The following MGRN1 variants were observed in gnomAD, a reference collection of about 807,000 sequenced individuals.
MGRN1 encodes mahogunin ring finger 1.
Under a neutral mutation model 69.2 loss-of-function variants are expected in MGRN1, and 29 were observed. The observed-to-expected ratio is 0.42, with a 90% confidence interval of 0.31 to 0.57. The LOEUF (loss-of-function observed/expected upper bound fraction) is 0.57. Among genes scored for constraint, MGRN1 ranks in the 20% least tolerant of loss-of-function variants. The pLI is 0.15. For synonymous variants in MGRN1, 470 were observed against 344.2 expected (o/e 1.37, Z -4.04); for missense variants, 998 against 796.2 (o/e 1.25, Z -3.05).
intron 15 of MGRN1, among the ~76,000 whole-genome samples, 189 bp downstream of exon 15, chr16:4,683,458 T>C (rs1391606437): frequency 6.6e-6 from 1 of 152,096 alleles, no homozygotes; most frequent in Non-Finnish European, 1.5e-5. Flanking sequence ...TGGGTCAGGC[T>C]GCGCTGTTGA....
chr16:4,688,859 TTGG>T lies in MGRN1; in HGVS notation c.1686_1688del (p.Gly563del), dbSNP rs2079396918. 5.8e-6 allele frequency: 9 copies of T among 1,555,042 alleles called. No individual in the cohort carries two copies. The highest frequency in any genetic ancestry group is 1.2e-5 in the South Asian group (1 of 84,682). ...ACCACCAGCCCCACCTGGCCTCCAC[TTGG>T]TGGCCCCAGCCCCGATCCCAGCGCC... On this transcript the variant is annotated inframe_deletion, in exon 17 of 17. Transcript: ENST00000262370.
At chr16:4,653,700 G>C (rs1173411682) in intron 4 of MGRN1, among the ~76,000 whole-genome samples, 2 of 151,838 alleles carry the variant, frequency 1.3e-5, no homozygotes, top group African/African-American at 2.4e-5. Flanking sequence ...ATGTTGGCCA[G>C]GATGGTCTCA....
Position 4,680,606 on chromosome 16 carries a change from C to G in MGRN1, c.1131+509C>G, listed in dbSNP as rs1298245562. On this transcript the variant is annotated intron_variant, in intron 12 of 16. Transcript: ENST00000262370. ...TGGCCCAGGCAGACCCAGCCGAAACCCTGTGTGCGTTGGTGTAGAAGGTGG... is the reference window on the plus strand; with the variant it reads ...TGGCCCAGGCAGACCCAGCCGAAACGCTGTGTGCGTTGGTGTAGAAGGTGG... 3.1e-5 allele frequency: 5 copies of G among 159,366 alleles called. 1 individual carries two copies. Among genetic ancestry groups the G allele is most frequent in the Admixed American group, 1.3e-4 (2 of 15,582 alleles). The allele number at this position is 159,366 out of a possible 1,614,324, so 9.9% of individuals were successfully genotyped here. A position where few individuals can be genotyped will look rare whatever the true frequency, so the allele number is the denominator to read the frequency against.
chr16:4,653,900 A>G (rs563087753), intron 4 of MGRN1, among the ~76,000 whole-genome samples: 28 of 152,156 alleles, frequency 1.8e-4, no homozygotes, highest in African/African-American at 6.3e-4. Context: ...TTACAGGCAT[A>G]TGCTACCATG....
At chr16:4,655,565 T>C (rs561129088) in intron 4 of MGRN1, among the ~76,000 whole-genome samples, 1 of 151,570 alleles carries the variant, frequency 6.6e-6, no homozygotes, top group South Asian at 2.1e-4. Flanking sequence ...ACAGCTCCAG[T>C]GCCACTGTCC....
Position 4,657,808 on chromosome 16 carries a change from C to T in MGRN1, c.561+445C>T, listed in dbSNP as rs148403740. On this transcript the variant is annotated intron_variant, in intron 5 of 16. Coordinates refer to ENST00000262370, the MANE Select transcript of MGRN1 (RefSeq NM_015246.4). Reference sequence around the variant, plus strand: ...TCGCCCAGGCTGCAGTGCAGTGGCGCGATCTCGGATCACTACAACCTCTGC... The same window carrying T: ...TCGCCCAGGCTGCAGTGCAGTGGCGTGATCTCGGATCACTACAACCTCTGC... Among the ~76,000 whole-genome samples the T allele has an allele frequency of 6.1e-3, 837 of 138,036 alleles. 10 individuals carry two copies. Among genetic ancestry groups the T allele is most frequent in the African/African-American group, 0.022 (794 of 35,788 alleles). 90.6% of individuals were successfully genotyped at this position (138,036 alleles called of 152,430 possible).
In MGRN1 at chr16:4,677,527, C is replaced by T. The variant is rs1187624364; in HGVS notation, c.1020C>T (p.Ser340=). ...AGCCAGGAGCCCTGTCCCCCGTGTC[C>T]TTCAGCCCCGTCCTGGCCCAGAGCC... ...RKKPGALSPV[S]FSPVLAQSLE... The change falls in exon 11 of 17, where the codon TCC becomes TCT. Residue 340 remains serine, a synonymous_variant. Coordinates refer to ENST00000262370, the MANE Select transcript of MGRN1 (RefSeq NM_015246.4). 13 of 1,599,044 alleles carry T rather than the reference C, an allele frequency of 8.1e-6. No homozygotes were observed. The highest frequency in any genetic ancestry group is 1.1e-5 in the Non-Finnish European group (13 of 1,178,834).
At chr16:4,674,825 A>G (rs529475568) in intron 10 of MGRN1, among the ~76,000 whole-genome samples, 1,855 of 145,032 alleles carry the variant, frequency 0.013, 36 homozygotes, top group African/African-American at 0.045. Context: ...TATTTTTAGT[A>G]GAGACGGGGT....
intron 8 of MGRN1, among the ~76,000 whole-genome samples, chr16:4,668,797 T>TACACACACGTATACAGAC (rs1285390261): frequency 2.0e-5 from 3 of 150,312 alleles, no homozygotes; most frequent in Non-Finnish European, 4.4e-5. Context: ...CATATACACA[T>TACACACACGTATACAGAC]ACACACACGT....
chr16:4,683,962 G>T, intron 16 of MGRN1, 30 bp downstream of exon 16: 3 of 678,770 alleles, frequency 4.4e-6, no homozygotes, highest in Non-Finnish European at 7.8e-6. Flanking sequence ...GGGGTGAGGG[G>T]CTGGGTGCCT....
chr16:4,689,060 C>G lies in MGRN1; in HGVS notation c.*152C>G. On this transcript the variant is annotated 3_prime_UTR_variant, in exon 17 of 17. Transcript: ENST00000262370. ...CGTGGTGACTCTTGATCAAAGAGCACAGTGAACTGTCCCTTCTGAGTCTCC... is the reference window on the plus strand; with the variant it reads ...CGTGGTGACTCTTGATCAAAGAGCAGAGTGAACTGTCCCTTCTGAGTCTCC... The G allele has an allele frequency of 9.7e-7, 1 of 1,035,106 alleles. No homozygotes were observed. The highest frequency in any genetic ancestry group is 3.0e-5 in the Admixed American group (1 of 33,880). The allele number at this position is 1,035,106 out of a possible 1,614,324, so 64.1% of individuals were successfully genotyped here.
intron 11 of MGRN1, 83 bp from the exon 12 acceptor site, chr16:4,679,949 G>A (rs2079141154): frequency 7.6e-7 from 1 of 1,308,448 alleles, no homozygotes; most frequent in Admixed American, 1.9e-5. Context: ...TGTGGCAAGA[G>A]GACAGCCAGT....
In MGRN1 at chr16:4,681,689, C is replaced by T. The variant is rs985103801; in HGVS notation, c.1271C>T (p.Ser424Phe). Residue 424 changes from serine to phenylalanine, a missense_variant, in exon 13 of 17, where the codon TCC becomes TTC. Physicochemically the swap from Ser to Phe is radical, Grantham distance 155. Transcript: ENST00000262370. ...TATTCAGGCATCTCGGACGGCCTGTCCCAGGCCAGCTGTCCCCTCGCGGCT... is the reference window on the plus strand; with the variant it reads ...TATTCAGGCATCTCGGACGGCCTGTTCCAGGCCAGCTGTCCCCTCGCGGCT... The part of the protein sequence containing the change: ...ITYSGISDGL[S>F]QASCPLAAID... 6 of 1,613,330 alleles carry T rather than the reference C, an allele frequency of 3.7e-6. No homozygotes were observed. The highest frequency in any genetic ancestry group is 3.3e-5 in the Admixed American group (2 of 60,014).
In MGRN1 at chr16:4,625,768, A is replaced by G. The variant is rs531779483; in HGVS notation, c.88+720A>G. ...TGTTCCCAGCTCTCTTTCTGCCTCT[A>G]TTGATGAGTTATGTGTTGACTGGGA... On this transcript the variant is annotated intron_variant, in intron 1 of 16. Coordinates refer to ENST00000262370, the MANE Select transcript of MGRN1 (RefSeq NM_015246.4). 1.8e-3 allele frequency among the ~76,000 whole-genome samples: 277 copies of G among 152,280 alleles called. 1 individual carries two copies. The highest frequency in any genetic ancestry group is 6.2e-3 in the African/African-American group (258 of 41,562).
intron 10 of MGRN1, among the ~76,000 whole-genome samples, chr16:4,674,042 T>C (rs749703491): frequency 1.3e-5 from 2 of 152,204 alleles, no homozygotes; most frequent in African/African-American, 4.8e-5. Flanking sequence ...TGGAGTTCAG[T>C]AGCGAGTTCT....
In MGRN1 at chr16:4,637,770, C is replaced by T. The variant is rs553286617; in HGVS notation, c.89-12595C>T. ...CTGGTCAAGGGCCAAGTGCTGCCGT[C>T]GTCCCTGGTCCCATTCCACAGGAGG... On this transcript the variant is annotated intron_variant, in intron 1 of 16. Transcript: ENST00000262370. Among the ~76,000 whole-genome samples the T allele has an allele frequency of 5.3e-4, 81 of 152,352 alleles. No individual in the cohort carries two copies. In the South Asian group the frequency reaches 0.016, roughly 30 times the overall value.
intron 1 of MGRN1, among the ~76,000 whole-genome samples, chr16:4,643,065 C>T (rs750769763): frequency 3.3e-5 from 5 of 152,148 alleles, no homozygotes; most frequent in Admixed American, 6.6e-5. Context: ...AAGCGATTCT[C>T]GTGCCTCAGC....
At position 4,651,959 on chromosome 16, in the gene MGRN1, C is replaced by A; in HGVS notation, c.208-4C>A. 2 of 1,613,906 alleles carry A rather than the reference C, an allele frequency of 1.2e-6. No individual in the cohort carries two copies. Among genetic ancestry groups the A allele is most frequent in the Non-Finnish European group, 1.7e-6 (2 of 1,179,876 alleles). On this transcript the variant is annotated splice_region_variant and splice_polypyrimidine_tract_variant and intron_variant, in intron 2 of 16. Transcript: ENST00000262370. ...CACCTGGGGCCCTGTGGTTTTTCTCCTAGTTTCCCTACGTCACTCCTGCCC... is the reference window on the plus strand; with the variant it reads ...CACCTGGGGCCCTGTGGTTTTTCTCATAGTTTCCCTACGTCACTCCTGCCC...
chr16:4,650,296 C>A lies in MGRN1; in HGVS notation c.89-69C>A, dbSNP rs1421463906. The A allele has an allele frequency of 6.1e-6, 8 of 1,321,456 alleles. No homozygotes were observed. The East Asian group carries it at 1.7e-4, about 27-fold the overall frequency. 81.9% of individuals were successfully genotyped at this position (1,321,456 alleles called of 1,614,324 possible). A position where few individuals can be genotyped will look rare whatever the true frequency, so the allele number is the denominator to read the frequency against. On this transcript the variant is annotated intron_variant, in intron 1 of 16. Transcript: ENST00000262370. ...CCAGCCTGGGTGGAGCGCCACTGCACTCTAGCCTGAGACTCTGTCTCAAAA... is the reference window on the plus strand; with the variant it reads ...CCAGCCTGGGTGGAGCGCCACTGCAATCTAGCCTGAGACTCTGTCTCAAAA...
Sources: gnomAD v4.1 joint callset for allele counts (sites outside exome capture counted in the v4.1 genomes callset) on GRCh38, gnomAD v4.1.1 for gene constraint, MANE v1.5 for transcripts, NCBI Gene and HGNC (gene_info 2026-07-23, HGNC 2026-07-21) for gene names.